The following TBC1D19 variants were observed in gnomAD, a reference collection of about 807,000 sequenced individuals.
TBC1D19 encodes the protein TBC1 domain family, member 19.
A neutral mutation model predicts 89.0 loss-of-function variants in TBC1D19; 60 were observed. That is an observed-to-expected ratio of 0.67 (90% CI 0.55 to 0.84). The LOEUF is 0.84. Among genes scored for constraint, TBC1D19 ranks in the 40% least tolerant of loss-of-function variants. The probability of loss-of-function intolerance (pLI) is 0.00; values close to 1 mark genes in which losing one functional copy is unlikely to be tolerated. For missense variants in TBC1D19, 500 were observed against 610.8 expected, an observed-to-expected ratio of 0.82 and a Z score of 1.91; for synonymous variants, 189 against 199.7, an observed-to-expected ratio of 0.95 and a Z score of 0.45.
the TBC1D19 span, among the ~76,000 whole-genome samples, chr4:26,816,922 TTAAAAA>T: frequency 6.6e-6 from 1 of 152,128 alleles, no homozygotes; most frequent in African/African-American, 2.4e-5. Context: ...TTTTTTAAAG[TTAAAAA>T]TAAAAATCCC....
chr4:26,593,790 A>G (rs1012807708), intron 1 of TBC1D19, among the ~76,000 whole-genome samples: 1 of 152,244 alleles, frequency 6.6e-6, no homozygotes, highest in African/African-American at 2.4e-5. Context: ...CCACAATGAG[A>G]TACCATCTCA....
rs566542189 is a variant in TBC1D19, at chr4:26,657,248, C to T, written c.481-2349C>T. Among the ~76,000 whole-genome samples, 6 of 151,924 alleles carry T rather than the reference C, an allele frequency of 3.9e-5. No homozygotes were observed. In the East Asian group the frequency reaches 1.2e-3, roughly 29 times the overall value. On this transcript the variant is annotated intron_variant, in intron 7 of 20. Coordinates refer to ENST00000264866, the MANE Select transcript of TBC1D19 (RefSeq NM_018317.4). ...TGTCCCTCCCCTTGCCTCTGACCCC[C>T]TGACAGGCCCCGGTGTGTGATGTTT...
intron 11 of TBC1D19, among the ~76,000 whole-genome samples, chr4:26,674,649 C>G (rs1340059908): frequency 6.6e-6 from 1 of 151,962 alleles, no homozygotes; most frequent in Non-Finnish European, 1.5e-5. Context: ...TGAGCAAGTA[C>G]TTAAATTTCT....
At chr4:26,578,139 G>C (rs1739008583) in intron 1 of TBC1D19, among the ~76,000 whole-genome samples, 1 of 152,182 alleles carries the variant, frequency 6.6e-6, no homozygotes, top group Non-Finnish European at 1.5e-5. Context: ...TTGGTAACAG[G>C]CTTTTGGTCC....
chr4:26,705,546 C>T (rs1005438612), intron 13 of TBC1D19, among the ~76,000 whole-genome samples: 2 of 152,170 alleles, frequency 1.3e-5, no homozygotes, highest in African/African-American at 4.8e-5. Context: ...TGCACTTTCT[C>T]CCATTGAATG....
At chr4:26,742,628 A>G in intron 18 of TBC1D19, 29 bp downstream of exon 18, 2 of 1,577,730 alleles carry the variant, frequency 1.3e-6, no homozygotes, top group East Asian at 2.2e-5. Context: ...TAATTGAAGA[A>G]TAGATAGTTT....
chr4:26,830,141 T>C, the TBC1D19 span, among the ~76,000 whole-genome samples: 63 of 152,270 alleles, frequency 4.1e-4, no homozygotes, highest in Middle Eastern at 3.4e-3. Context: ...AACCTCACAT[T>C]TGAATTTGGA....
chr4:26,623,509 A>T (rs1577822578), intron 4 of TBC1D19, among the ~76,000 whole-genome samples: 1 of 152,168 alleles, frequency 6.6e-6, no homozygotes, highest in East Asian at 1.9e-4. Context: ...AGGTTATCTC[A>T]TTCAAGCTTC....
chr4:26,785,391 G>A, the TBC1D19 span, among the ~76,000 whole-genome samples: 1 of 152,204 alleles, frequency 6.6e-6, no homozygotes, highest in African/African-American at 2.4e-5. Context: ...AACTGTAAGA[G>A]CACAGCGTTG....
chr4:26,744,916 C>A (rs1718564626), intron 18 of TBC1D19, among the ~76,000 whole-genome samples: 3 of 152,122 alleles, frequency 2.0e-5, no homozygotes, highest in Non-Finnish European at 4.4e-5. Flanking sequence ...TATACACTTA[C>A]TAATTTTCTG....
At chr4:26,633,573 G>T (rs1742933407) in intron 4 of TBC1D19, among the ~76,000 whole-genome samples, 1 of 152,100 alleles carries the variant, frequency 6.6e-6, no homozygotes, top group African/African-American at 2.4e-5. Flanking sequence ...AGGCTCAGGG[G>T]TTAGCAGCTT....
At chr4:26,843,894 A>T in the TBC1D19 span, among the ~76,000 whole-genome samples, 1 of 152,152 alleles carries the variant, frequency 6.6e-6, no homozygotes, top group Non-Finnish European at 1.5e-5. Flanking sequence ...CAAGAGAAAG[A>T]GAGTGTGGAA....
intron 17 of TBC1D19, among the ~76,000 whole-genome samples, chr4:26,740,369 C>T (rs1382656387): frequency 6.6e-6 from 1 of 152,080 alleles, no homozygotes; most frequent in Admixed American, 6.5e-5. Context: ...CTTGGCTCCT[C>T]GCAGGTGTTC....
intron 13 of TBC1D19, among the ~76,000 whole-genome samples, chr4:26,695,428 A>G (rs1714685386): frequency 6.6e-6 from 1 of 152,202 alleles, no homozygotes; most frequent in Non-Finnish European, 1.5e-5. Context: ...AAGATGGAAA[A>G]CACCCTGCAG....
At chr4:26,637,336 G>GA in intron 5 of TBC1D19, 51 bp downstream of exon 5, 1 of 1,350,016 alleles carries the variant, frequency 7.4e-7, no homozygotes. Context: ...ATCAAATACA[G>GA]AAAGTATCAT....
chr4:26,785,661 G>A, the TBC1D19 span, among the ~76,000 whole-genome samples: 2 of 152,158 alleles, frequency 1.3e-5, no homozygotes, highest in Non-Finnish European at 2.9e-5. Flanking sequence ...GTTTGGGTGG[G>A]GACCACGGCA....
intron 8 of TBC1D19, among the ~76,000 whole-genome samples, chr4:26,661,523 G>A (rs891534597): frequency 3.3e-5 from 5 of 152,034 alleles, no homozygotes; most frequent in Non-Finnish European, 5.9e-5. Flanking sequence ...AAATCGGAAC[G>A]ACCAACCTAG....
the TBC1D19 span, among the ~76,000 whole-genome samples, chr4:26,841,543 C>A: frequency 6.6e-6 from 1 of 152,270 alleles, no homozygotes; most frequent in East Asian, 1.9e-4. Flanking sequence ...GTGGAGATGC[C>A]TGACTTGACT....
chr4:26,815,535 G>A, the TBC1D19 span, among the ~76,000 whole-genome samples: 11,966 of 152,188 alleles, frequency 0.079, 972 homozygotes, highest in African/African-American at 0.21. Context: ...TGATACTCTT[G>A]ACCTCCCCAA....
Sources: gnomAD v4.1 joint callset for allele counts (sites outside exome capture counted in the v4.1 genomes callset) on GRCh38, gnomAD v4.1.1 for gene constraint, MANE v1.5 for transcripts, NCBI Gene and HGNC (gene_info 2026-07-23, HGNC 2026-07-21) for gene names.